Variants in CSMD3 observed in about 807,000 individuals in gnomAD.
CSMD3 encodes CUB and Sushi multiple domains 3.
A neutral mutation model predicts 435.2 loss-of-function variants in CSMD3; 177 were observed. The ratio of observed to expected loss-of-function variants is 0.41; its 90% CI spans 0.36 to 0.46. The LOEUF is 0.46. CSMD3 is among the 20% of genes least tolerant of loss of function. CSMD3 has a pLI of 0.34. For synonymous variants in CSMD3, 1,656 were observed against 1,520.5 expected (o/e 1.09, Z -2.07); for missense variants, 4,265 against 4,504.6 (o/e 0.95, Z 1.52).
chr8:112,608,288 A>C (rs1335649098), intron 22 of CSMD3, among the ~76,000 whole-genome samples: 1 of 151,834 alleles, frequency 6.6e-6, no homozygotes, highest in African/African-American at 2.4e-5. Flanking sequence ...AACATTAATA[A>C]AAAAAATTGA....
chr8:112,835,328 G>A (rs1288137561), intron 11 of CSMD3, among the ~76,000 whole-genome samples: 1 of 151,770 alleles, frequency 6.6e-6, no homozygotes, highest in African/African-American at 2.4e-5. Context: ...ATTTTCTGAA[G>A]CCATGCGGAA....
At chr8:112,345,822 T>C (rs1446910542) in intron 41 of CSMD3, among the ~76,000 whole-genome samples, 2 of 152,030 alleles carry the variant, frequency 1.3e-5, no homozygotes, top group South Asian at 2.1e-4. Flanking sequence ...ATGATAAATA[T>C]GTACAATTTT....
intron 32 of CSMD3, among the ~76,000 whole-genome samples, chr8:112,444,318 A>C (rs1356484040): frequency 6.6e-6 from 1 of 152,346 alleles, no homozygotes; most frequent in South Asian, 2.1e-4. Flanking sequence ...GAAGTTTAAC[A>C]TACACCTTCC....
At chr8:112,452,801 A>G (rs955961284) in intron 32 of CSMD3, among the ~76,000 whole-genome samples, 3 of 152,186 alleles carry the variant, frequency 2.0e-5, no homozygotes, top group Admixed American at 1.3e-4. Flanking sequence ...CCTACACTCC[A>G]TCCTTCTCTG....
At chr8:113,424,021 C>T (rs1440011452) in intron 1 of CSMD3, among the ~76,000 whole-genome samples, 1 of 151,680 alleles carries the variant, frequency 6.6e-6, no homozygotes, top group Non-Finnish European at 1.5e-5. Context: ...TGGTTTCTTA[C>T]ACAATAAGTA....
In CSMD3 at chr8:112,289,545, T is replaced by A. The variant is rs764834252; in HGVS notation, c.8975-7A>T. The A allele has an allele frequency of 1.9e-6, 3 of 1,570,638 alleles. No individual in the cohort carries two copies. Among genetic ancestry groups the A allele is most frequent in the Admixed American group, 1.8e-5 (1 of 56,506 alleles). ...GGGTGTCCACAGTCAATCACTACAA[T>A]ACATAATTATTAAATATAAAATTTT... On this transcript the variant is annotated splice_polypyrimidine_tract_variant and splice_region_variant and intron_variant, in intron 56 of 70. Transcript: ENST00000297405.
At chr8:113,008,977 A>T (rs1487359559) in intron 6 of CSMD3, among the ~76,000 whole-genome samples, 1 of 151,482 alleles carries the variant, frequency 6.6e-6, no homozygotes, top group Non-Finnish European at 1.5e-5. Flanking sequence ...TGTAAAATAT[A>T]TTAGTAATAT....
intron 1 of CSMD3, chr8:113,376,826 T>A: frequency 6.2e-7 from 1 of 1,613,684 alleles, no homozygotes; most frequent in Non-Finnish European, 8.5e-7. Context: ...AGGTTGTTTA[T>A]GAGTCGCAAC....
At chr8:112,823,622 T>C (rs1370999975) in intron 12 of CSMD3, among the ~76,000 whole-genome samples, 1 of 152,202 alleles carries the variant, frequency 6.6e-6, no homozygotes, top group East Asian at 1.9e-4. Context: ...TCCATGTAGT[T>C]GTGTGATTAT....
intron 10 of CSMD3, among the ~76,000 whole-genome samples, chr8:112,860,691 A>T (rs2080802720): frequency 6.6e-6 from 1 of 151,602 alleles, no homozygotes; most frequent in African/African-American, 2.4e-5. Flanking sequence ...GATAATATTG[A>T]TTAGCTTTGT....
At chr8:112,487,269 A>C (rs1203182743) in intron 31 of CSMD3, among the ~76,000 whole-genome samples, 3 of 152,150 alleles carry the variant, frequency 2.0e-5, no homozygotes, top group Admixed American at 6.6e-5. Context: ...GGGGAGGGTA[A>C]ATAGGAATTT....
intron 69 of CSMD3, among the ~76,000 whole-genome samples, chr8:112,230,526 C>T (rs1812987379): frequency 6.6e-6 from 1 of 152,152 alleles, no homozygotes; most frequent in African/African-American, 2.4e-5. Context: ...TGGTGGCTCA[C>T]ACCTGTAATC....
intron 4 of CSMD3, among the ~76,000 whole-genome samples, chr8:113,165,955 G>C (rs137957631): frequency 1.4e-3 from 214 of 152,162 alleles, no homozygotes; most frequent in Middle Eastern, 0.01. Context: ...GATAAGAACA[G>C]GAAGCTTTGA....
intron 13 of CSMD3, among the ~76,000 whole-genome samples, chr8:112,747,328 C>T (rs968799776): frequency 1.5e-4 from 22 of 150,238 alleles, no homozygotes; most frequent in African/African-American, 5.4e-4. Context: ...TGGAGAAAAA[C>T]TTCAATAGTG....
chr8:112,879,064 C>T (rs1038421756), intron 10 of CSMD3, among the ~76,000 whole-genome samples: 15 of 152,082 alleles, frequency 9.9e-5, no homozygotes, highest in Non-Finnish European at 1.8e-4. Context: ...GTTCAGGGAA[C>T]AGGGGAGATA....
chr8:112,408,023 T>C (rs1018625323), intron 34 of CSMD3, among the ~76,000 whole-genome samples: 1 of 151,902 alleles, frequency 6.6e-6, no homozygotes, highest in African/African-American at 2.4e-5. Flanking sequence ...TGCTAGACTG[T>C]TAGAAAATAG....
At chr8:112,469,254 T>C (rs1818283498) in intron 32 of CSMD3, among the ~76,000 whole-genome samples, 1 of 152,078 alleles carries the variant, frequency 6.6e-6, no homozygotes, top group Non-Finnish European at 1.5e-5. Context: ...CTGTCATCTG[T>C]TCTTACATTG....
intron 5 of CSMD3, among the ~76,000 whole-genome samples, chr8:113,024,009 C>A (rs2086782159): frequency 6.6e-6 from 1 of 152,062 alleles, no homozygotes; most frequent in Non-Finnish European, 1.5e-5. Context: ...TGCAATAGGA[C>A]ACTGGTACTT....
At chr8:112,370,060 G>GAAGAAGAAGAAA in intron 38 of CSMD3, among the ~76,000 whole-genome samples, 1 of 150,788 alleles carries the variant, frequency 6.6e-6, no homozygotes, top group East Asian at 2.0e-4. Flanking sequence ...AGAAGAAGAA[G>GAAGAAGAAGAAA]AAGAAGAAGA....
Sources: allele counts gnomAD v4.1 joint callset (sites outside exome capture counted in the v4.1 genomes callset), GRCh38; gene constraint gnomAD v4.1.1; transcripts MANE v1.5; gene names NCBI Gene and HGNC (gene_info 2026-07-23, HGNC 2026-07-21).